The following FAT3 variants were observed in gnomAD, a reference collection of about 807,000 sequenced individuals.
FAT3 encodes the protein FAT atypical cadherin 3.
A neutral mutation model predicts 310.2 loss-of-function variants in FAT3; 95 were observed. The ratio of observed to expected loss-of-function variants is 0.31; its 90% CI spans 0.26 to 0.36. FAT3 has a LOEUF of 0.36. Ranked by LOEUF, FAT3 falls within the 10% of genes least tolerant of loss-of-function variation. The pLI, the probability that FAT3 is intolerant of heterozygous loss-of-function variation, is 1.00. For synonymous variants in FAT3, 2,314 were observed against 2,192.9 expected, an observed-to-expected ratio of 1.06 and a Z score of -1.54; for missense variants, 5,408 against 5,715.6, an observed-to-expected ratio of 0.95 and a Z score of 1.74.
intron 7 of FAT3, among the ~76,000 whole-genome samples, chr11:92,780,793 G>A (rs1461088255): frequency 6.6e-6 from 1 of 152,154 alleles, no homozygotes; most frequent in Non-Finnish European, 1.5e-5. Context: ...AAAGAAGAGA[G>A]CAAAATACTT....
chr11:92,373,799 CACACACACACAGAG>C (rs2134728909), intron 2 of FAT3, among the ~76,000 whole-genome samples: 2 of 132,938 alleles, frequency 1.5e-5, no homozygotes, highest in East Asian at 4.1e-4. Flanking sequence ...CACACACACA[CACACACACACAGAG>C]ACATAGATAG....
intron 3 of FAT3, among the ~76,000 whole-genome samples, chr11:92,659,264 T>C (rs1591575560): frequency 6.6e-6 from 1 of 152,282 alleles, no homozygotes; most frequent in East Asian, 1.9e-4. Flanking sequence ...CAAGTAGGGA[T>C]TGATTCCCAA....
At chr11:92,391,034 A>G (rs1949735833) in intron 2 of FAT3, among the ~76,000 whole-genome samples, 1 of 152,164 alleles carries the variant, frequency 6.6e-6, no homozygotes, top group Non-Finnish European at 1.5e-5. Context: ...AAAATTCTCT[A>G]CTGAGCATTT....
rs749798727 is a variant in FAT3, at chr11:92,790,107, C to T, written c.4500C>T (p.Ser1500=). 7 of 1,613,816 alleles carry T rather than the reference C, an allele frequency of 4.3e-6. No homozygotes were observed. In the South Asian group the frequency reaches 6.6e-5, roughly 15 times the overall value. Residue 1500 remains serine (S), a synonymous_variant, in exon 8 of 28, where the codon AGC becomes AGT. Coordinates refer to ENST00000525166, the MANE Select transcript of FAT3 (RefSeq NM_001367949.2). ...KHKLSYTVHS[S]IDSISMRKFR... is the part of the protein sequence containing the mutation. ...AGCTGAGCTACACTGTTCATAGCAG[C>T]ATCGACTCCATCAGCATGAGAAAAT...
chr11:92,706,169 C>A (rs762426109), intron 4 of FAT3, among the ~76,000 whole-genome samples: 16 of 151,964 alleles, frequency 1.1e-4, no homozygotes, highest in Non-Finnish European at 2.1e-4. Flanking sequence ...TTTTACAGAA[C>A]TGTCCAGGTT....
chr11:92,354,636 G>A lies in FAT3; in HGVS notation c.2524G>A (p.Glu842Lys), dbSNP rs2134644189. Reference protein sequence around the residue: ...IQDSYSVNILESSGIGTEIIQ... With the variant: ...IQDSYSVNILKSSGIGTEIIQ... ...AGACAGTTACTCAGTTAACATTCTT[G>A]AAAGTTCAGGCATTGGTACTGAAAT... Residue 842 changes from glutamate to lysine, a missense_variant, in exon 2 of 28, where the codon GAA becomes AAA. Physicochemically the swap from Glu to Lys is moderately conservative, Grantham distance 56. This residue lies in a region of FAT3 where 4,588 missense variants were observed against 4,809.8 expected (regional missense o/e 0.95). Transcript: ENST00000525166. 6.2e-7 allele frequency: 1 copy of A among 1,613,782 alleles called. No homozygotes were observed. Among genetic ancestry groups the A allele is most frequent in the East Asian group, 2.2e-5 (1 of 44,872 alleles).
chr11:92,381,098 T>G (rs1348827096), intron 2 of FAT3, among the ~76,000 whole-genome samples: 1 of 152,196 alleles, frequency 6.6e-6, no homozygotes, highest in East Asian at 1.9e-4. Flanking sequence ...TAAGAATAGA[T>G]TATAGCCATA....
intron 2 of FAT3, among the ~76,000 whole-genome samples, chr11:92,517,480 A>G (rs535665): frequency 0.63 from 95,303 of 152,030 alleles, 30,679 homozygotes; most frequent in African/African-American, 0.79. Context: ...ACTCAAGATG[A>G]ATTAAAGATT....
intron 3 of FAT3, among the ~76,000 whole-genome samples, chr11:92,537,878 T>C (rs978918137): frequency 3.9e-5 from 6 of 152,200 alleles, no homozygotes; most frequent in Non-Finnish European, 7.3e-5. Context: ...TGTCAGTTGC[T>C]GCACAATTTT....
intron 1 of FAT3, among the ~76,000 whole-genome samples, chr11:92,287,538 G>A (rs1946589660): frequency 6.6e-6 from 1 of 152,076 alleles, no homozygotes; most frequent in Admixed American, 6.6e-5. Context: ...CCATCTTGCT[G>A]TTTGGGTCAG....
At chr11:92,285,532 C>G (rs954034699) in intron 1 of FAT3, among the ~76,000 whole-genome samples, 6 of 152,084 alleles carry the variant, frequency 3.9e-5, no homozygotes, top group African/African-American at 1.4e-4. Context: ...CCCATTCTTA[C>G]AACACTATTG....
intron 1 of FAT3, among the ~76,000 whole-genome samples, chr11:92,250,179 G>A (rs972954875): frequency 6.6e-6 from 1 of 151,990 alleles, no homozygotes; most frequent in Admixed American, 6.6e-5. Context: ...ATACGAAGTG[G>A]TACATAAATT....
chr11:92,650,656 C>T (rs1942341515), intron 3 of FAT3, among the ~76,000 whole-genome samples: 1 of 152,108 alleles, frequency 6.6e-6, no homozygotes, highest in African/African-American at 2.4e-5. Flanking sequence ...AGTCATTGAA[C>T]ATGGAATTGA....
chr11:92,540,536 T>C (rs902311092), intron 3 of FAT3, among the ~76,000 whole-genome samples: 3 of 152,202 alleles, frequency 2.0e-5, no homozygotes, highest in Admixed American at 1.3e-4. Context: ...CTTCTTTTCA[T>C]GAGACTCCTG....
chr11:92,717,858 C>T (rs1944734591), intron 4 of FAT3, among the ~76,000 whole-genome samples: 1 of 152,040 alleles, frequency 6.6e-6, no homozygotes, highest in South Asian at 2.1e-4. Flanking sequence ...TAAAAATCAC[C>T]AGCCATGATC....
intron 1 of FAT3, among the ~76,000 whole-genome samples, chr11:92,244,928 T>C (rs1395681739): frequency 6.6e-6 from 1 of 152,100 alleles, no homozygotes; most frequent in Non-Finnish European, 1.5e-5. Context: ...TGGAAGACAG[T>C]GTGGTGATTC....
chr11:92,251,436 T>C (rs2134278735), intron 1 of FAT3, among the ~76,000 whole-genome samples: 1 of 152,288 alleles, frequency 6.6e-6, no homozygotes, highest in African/African-American at 2.4e-5. Context: ...AAAAAGCAGG[T>C]ACTTAATTCT....
At chr11:92,330,506 T>G (rs1279323579) in intron 1 of FAT3, among the ~76,000 whole-genome samples, 1 of 152,220 alleles carries the variant, frequency 6.6e-6, no homozygotes, top group African/African-American at 2.4e-5. Context: ...CATGATTTTA[T>G]AAATAGCTCT....
chr11:92,418,390 A>C (rs1565300871), intron 2 of FAT3, among the ~76,000 whole-genome samples: 1 of 149,806 alleles, frequency 6.7e-6, no homozygotes, highest in South Asian at 2.2e-4. Flanking sequence ...TTACAACAAC[A>C]GCAACAAACT....
Sources: allele counts gnomAD v4.1 joint callset (sites outside exome capture counted in the v4.1 genomes callset), GRCh38; gene constraint gnomAD v4.1.1; regional missense constraint gnomAD v4.1.1; transcripts MANE v1.5; gene names NCBI Gene and HGNC (gene_info 2026-07-23, HGNC 2026-07-21).